Variants in KLHL1 observed in about 807,000 individuals in gnomAD.
KLHL1 encodes the protein kelch like family member 1.
In KLHL1, 47 loss-of-function variants were observed where a neutral mutation model predicts 77.7. That is an observed-to-expected ratio of 0.60 (90% CI 0.48 to 0.77). KLHL1 has a LOEUF of 0.77. Among genes scored for constraint, KLHL1 ranks in the 30% least tolerant of loss-of-function variants. The pLI, the probability that KLHL1 is intolerant of heterozygous loss-of-function variation, is 0.00. For missense variants in KLHL1, 925 were observed against 910.8 expected (o/e 1.02, Z -0.20); for synonymous variants, 360 against 325.2 (o/e 1.11, Z -1.15).
chr13:69,725,959 T>C (rs914707252), intron 8 of KLHL1, among the ~76,000 whole-genome samples: 1 of 152,126 alleles, frequency 6.6e-6, no homozygotes, highest in East Asian at 1.9e-4. Context: ...TGCAGGGTTA[T>C]GTCTACTCAT....
chr13:69,955,996 G>GATATATATTTATACATATTTGAT (rs1883861546), intron 3 of KLHL1, among the ~76,000 whole-genome samples: 8 of 119,416 alleles, frequency 6.7e-5, no homozygotes, highest in African/African-American at 9.7e-5. Flanking sequence ...ATATTTATTT[G>GATATATATTTATACATATTTGAT]ATATATATTT....
chr13:70,004,169 T>C (rs995109454), intron 1 of KLHL1, among the ~76,000 whole-genome samples: 7 of 151,932 alleles, frequency 4.6e-5, no homozygotes, highest in Non-Finnish European at 8.8e-5. Flanking sequence ...TATCTAATGA[T>C]TGGTGAATAT....
intron 7 of KLHL1, among the ~76,000 whole-genome samples, chr13:69,779,971 T>A (rs753360980): frequency 1.9e-4 from 29 of 152,080 alleles, no homozygotes; most frequent in Non-Finnish European, 4.0e-4. Context: ...ACCCAACTAA[T>A]TTTCGTATTT....
chr13:69,704,338 C>T (rs1875532879), intron 10 of KLHL1, among the ~76,000 whole-genome samples: 1 of 151,686 alleles, frequency 6.6e-6, no homozygotes, highest in South Asian at 2.1e-4. Flanking sequence ...CTAAATATCT[C>T]TCCAACAAGT....
chr13:69,847,382 A>C (rs1251662183), intron 5 of KLHL1, among the ~76,000 whole-genome samples: 3 of 148,410 alleles, frequency 2.0e-5, no homozygotes, highest in African/African-American at 7.4e-5. Flanking sequence ...CTATTCCTTA[A>C]GTTAGAGTAA....
intron 1 of KLHL1, among the ~76,000 whole-genome samples, chr13:69,995,419 CT>C (rs1383557497): frequency 1.3e-5 from 2 of 152,184 alleles, no homozygotes; most frequent in East Asian, 3.9e-4. Flanking sequence ...ATGTATAGAT[CT>C]TTTGTGTAGA....
Position 69,939,905 on chromosome 13 carries a change from T to C in KLHL1, c.1014+135A>G, listed in dbSNP as rs189713607. On this transcript the variant is annotated intron_variant, in intron 4 of 10. Coordinates refer to ENST00000377844, the MANE Select transcript of KLHL1 (RefSeq NM_020866.3). ...AAAATACATTATGGTACGCTATAGT[T>C]CATAACAAAAAAATGTGCCAAGCAT... 2.4e-3 allele frequency: 1,395 copies of C among 581,740 alleles called. 7 individuals carry two copies. The highest frequency in any genetic ancestry group is 3.0e-3 in the Non-Finnish European group (1,028 of 340,930). 36.0% of individuals were successfully genotyped at this position (581,740 alleles called of 1,614,324 possible). A position where few individuals can be genotyped will look rare whatever the true frequency, so the allele number is the denominator to read the frequency against.
At chr13:69,755,963 C>T (rs1874709528) in intron 7 of KLHL1, among the ~76,000 whole-genome samples, 1 of 152,058 alleles carries the variant, frequency 6.6e-6, no homozygotes, top group African/African-American at 2.4e-5. Flanking sequence ...AATCTTGTTC[C>T]CTGAGAGTAT....
chr13:69,999,965 G>A (rs1299407338), intron 1 of KLHL1, among the ~76,000 whole-genome samples: 3 of 151,964 alleles, frequency 2.0e-5, no homozygotes, highest in East Asian at 1.9e-4. Flanking sequence ...AGGTGGGGTT[G>A]GTGAGAGGTA....
At chr13:70,034,974 AAAGT>A (rs1566519106) in intron 1 of KLHL1, among the ~76,000 whole-genome samples, 2 of 152,168 alleles carry the variant, frequency 1.3e-5, no homozygotes, top group Non-Finnish European at 2.9e-5. Context: ...CAATTTAAAT[AAAGT>A]GATTTTTGTA....
At chr13:69,867,588 C>A (rs1207852205) in intron 5 of KLHL1, among the ~76,000 whole-genome samples, 1 of 151,440 alleles carries the variant, frequency 6.6e-6, no homozygotes, top group Non-Finnish European at 1.5e-5. Context: ...ACATATTTTG[C>A]CTTATAATTT....
rs531251300 is a variant in KLHL1 at position 69,915,953 on chromosome 13, C to T, written c.1014+24087G>A. ...GCAAAGGATATGAACAGACACTTCT[C>T]GAAGACATTTATGCAGCCAACAGAC... On this transcript the variant is annotated intron_variant, in intron 4 of 10. Coordinates refer to ENST00000377844, the MANE Select transcript of KLHL1 (RefSeq NM_020866.3). Among the ~76,000 whole-genome samples, 15 of 151,390 alleles carry T rather than the reference C, an allele frequency of 9.9e-5. No individual in the cohort carries two copies. In the South Asian group the frequency reaches 1.7e-3, roughly 17 times the overall value.
intron 4 of KLHL1, among the ~76,000 whole-genome samples, chr13:69,887,608 TG>T (rs1388137887): frequency 6.6e-6 from 1 of 152,200 alleles, no homozygotes; most frequent in Admixed American, 6.5e-5. Flanking sequence ...CACAAAACGC[TG>T]GGATGCAAAC....
chr13:70,016,146 T>C (rs1885651112), intron 1 of KLHL1, among the ~76,000 whole-genome samples: 1 of 152,244 alleles, frequency 6.6e-6, no homozygotes, highest in Admixed American at 6.5e-5. Context: ...ATCAATCTTG[T>C]CCTCAAAAAG....
intron 1 of KLHL1, among the ~76,000 whole-genome samples, chr13:70,104,225 C>T (rs549366542): frequency 1.3e-5 from 2 of 152,132 alleles, no homozygotes; most frequent in South Asian, 4.1e-4. Context: ...ATTAATAGGC[C>T]AGTGAACTAT....
intron 6 of KLHL1, among the ~76,000 whole-genome samples, chr13:69,824,305 C>A (rs1168377895): frequency 2.0e-5 from 3 of 151,876 alleles, no homozygotes; most frequent in Non-Finnish European, 4.4e-5. Context: ...TAATAAATAG[C>A]CATAATGAAA....
At chr13:69,909,165 A>AAG (rs983613063) in intron 4 of KLHL1, among the ~76,000 whole-genome samples, 1 of 151,004 alleles carries the variant, frequency 6.6e-6, no homozygotes, top group Non-Finnish European at 1.5e-5. Context: ...TCAAGACAGA[A>AAG]AGAGAGAGAG....
At chr13:69,915,908 A>AC (rs1353479964) in intron 4 of KLHL1, among the ~76,000 whole-genome samples, 4 of 152,170 alleles carry the variant, frequency 2.6e-5, no homozygotes, top group African/African-American at 9.7e-5. Flanking sequence ...AAAAAAACAA[A>AC]CAACCGCATC....
At chr13:69,967,640 C>T (rs2137279200) in intron 2 of KLHL1, among the ~76,000 whole-genome samples, 1 of 152,230 alleles carries the variant, frequency 6.6e-6, no homozygotes, top group Non-Finnish European at 1.5e-5. Flanking sequence ...GAAATCTAAA[C>T]TTTTTGGGAG....
Sources: gnomAD v4.1 joint callset for allele counts (sites outside exome capture counted in the v4.1 genomes callset) on GRCh38, gnomAD v4.1.1 for gene constraint, MANE v1.5 for transcripts, NCBI Gene and HGNC (gene_info 2026-07-23, HGNC 2026-07-21) for gene names.